Variants in VMA22 observed in about 807,000 individuals in gnomAD.
VMA22 encodes the protein vacuolar ATPase assembly factor VMA22.
At chr2:130,341,906 G>A in the VMA22 span, 4 of 1,613,428 alleles carry the variant, frequency 2.5e-6, no homozygotes, top group Non-Finnish European at 3.4e-6. Context: ...CCGACTTGGC[G>A]CCCATCGCGT....
At chr2:130,342,017 C>T in the VMA22 span, 3 of 1,613,982 alleles carry the variant, frequency 1.9e-6, no homozygotes, top group South Asian at 2.2e-5. Flanking sequence ...GCGCCTACCT[C>T]CTCCACCCGG....
At chr2:130,342,092 A>T in the VMA22 span, 1 of 1,613,768 alleles carries the variant, frequency 6.2e-7, no homozygotes, top group Non-Finnish European at 8.5e-7. Context: ...AGGACCAGCG[A>T]ATCCAGCTCC....
At chr2:130,342,212 A>C in the VMA22 span, 1 of 1,562,678 alleles carries the variant, frequency 6.4e-7, no homozygotes, top group Non-Finnish European at 8.7e-7. Flanking sequence ...GAGATCCTCC[A>C]TCAAGGGGCG....
At chr2:130,338,941 T>C in the VMA22 span, 8 of 592,984 alleles carry the variant, frequency 1.3e-5, no homozygotes, top group Admixed American at 2.9e-5. Context: ...TCAAAATTAC[T>C]GTTTGCCTCT....
At chr2:130,340,441 T>C in the VMA22 span, 3 of 236,888 alleles carry the variant, frequency 1.3e-5, no homozygotes, top group South Asian at 1.4e-4. Flanking sequence ...CCTCGGCACA[T>C]ACCAGATATA....
the VMA22 span, chr2:130,342,325 T>C: frequency 0.018 from 17,249 of 966,018 alleles, 230 homozygotes; most frequent in Non-Finnish European, 0.022. Flanking sequence ...ACCAATCAAC[T>C]GGTTTCTCCA....
At chr2:130,342,359 T>C in the VMA22 span, 2 of 715,324 alleles carry the variant, frequency 2.8e-6, no homozygotes, top group Admixed American at 2.9e-5. Flanking sequence ...TGGATCAGCC[T>C]GCTGAACTGT....
At chr2:130,341,044 G>A in the VMA22 span, 1 of 1,596,324 alleles carries the variant, frequency 6.3e-7, no homozygotes, top group Non-Finnish European at 8.5e-7. Context: ...GCAGACCTGA[G>A]GAAAGAAAGG....
At chr2:130,339,990 C>A in the VMA22 span, 1 of 413,992 alleles carries the variant, frequency 2.4e-6, no homozygotes, top group Non-Finnish European at 4.1e-6. Flanking sequence ...GCCCAAGTGC[C>A]CACTCAGACT....
the VMA22 span, chr2:130,339,823 TC>T: frequency 1.6e-6 from 2 of 1,289,480 alleles, no homozygotes; most frequent in Non-Finnish European, 2.0e-6. Context: ...CTCCCTCACC[TC>T]CCGTCCATAC....
chr2:130,342,025 C>A, the VMA22 span: 1 of 1,613,984 alleles, frequency 6.2e-7, no homozygotes, highest in Non-Finnish European at 8.5e-7. Flanking sequence ...CTCCTCCACC[C>A]GGGCGTTCAA....
At chr2:130,339,028 G>A in the VMA22 span, 759 of 913,256 alleles carry the variant, frequency 8.3e-4, 2 homozygotes, top group African/African-American at 6.0e-3. Flanking sequence ...GTGGGGTAGG[G>A]GCAAGAGCTA....
the VMA22 span, chr2:130,341,489 C>A: frequency 2.5e-5 from 15 of 596,118 alleles, no homozygotes; most frequent in Non-Finnish European, 3.3e-5. Flanking sequence ...AAGCAACTCA[C>A]CAACAATTTC....
At chr2:130,341,036 A>G in the VMA22 span, 1 of 1,602,590 alleles carries the variant, frequency 6.2e-7, no homozygotes, top group South Asian at 1.1e-5. Flanking sequence ...GCGCCTCCGC[A>G]GACCTGAGGA....
chr2:130,339,743 C>T, the VMA22 span: 1 of 1,304,214 alleles, frequency 7.7e-7, no homozygotes, highest in Non-Finnish European at 1.0e-6. Context: ...AACACTTTCT[C>T]TTCTTGGCCT....
the VMA22 span, chr2:130,341,576 T>A: frequency 8.8e-7 from 1 of 1,138,136 alleles, no homozygotes. Flanking sequence ...TGCTCTCTCT[T>A]ATCGCAAAAA....
chr2:130,340,557 G>T, the VMA22 span: 2 of 321,982 alleles, frequency 6.2e-6, no homozygotes, highest in East Asian at 2.0e-4. Flanking sequence ...ACCTCCCCTG[G>T]CCCACTCCTG....
chr2:130,342,122 C>T, the VMA22 span: 1 of 1,613,516 alleles, frequency 6.2e-7, no homozygotes, highest in Admixed American at 1.7e-5. Context: ...TCAAGCGCCG[C>T]CATGGACACA....
chr2:130,342,147 G>T, the VMA22 span: 9 of 1,612,336 alleles, frequency 5.6e-6, no homozygotes, highest in East Asian at 2.2e-5. Context: ...CAGATCTGGA[G>T]CCACCTTCTT....
Sources: allele counts gnomAD v4.1 joint callset, GRCh38; gene constraint gnomAD v4.1.1; transcripts MANE v1.5; gene names NCBI Gene and HGNC (gene_info 2026-07-23, HGNC 2026-07-21).